HERC3: variants seen among roughly 807,000 people sequenced by gnomAD.
The protein encoded by HERC3 is HECT and RLD domain containing E3 ubiquitin protein ligase 3.
HERC3 carries 58 observed loss-of-function variants against 129.9 expected under a neutral mutation model. That is an observed-to-expected ratio of 0.45 (90% CI 0.36 to 0.56). The LOEUF (loss-of-function observed/expected upper bound fraction) is 0.56. Among genes scored for constraint, HERC3 ranks in the 20% least tolerant of loss-of-function variants. HERC3 has a pLI of 0.00. For synonymous variants in HERC3, 430 were observed against 451.0 expected, an observed-to-expected ratio of 0.95 and a Z score of 0.59; for missense variants, 835 against 1,244.2, an observed-to-expected ratio of 0.67 and a Z score of 4.95.
At chr4:88,603,430 A>T (rs771231910) in intron 2 of HERC3, among the ~76,000 whole-genome samples, 1 of 151,670 alleles carries the variant, frequency 6.6e-6, no homozygotes. Context: ...CTGGTCTCGA[A>T]CTCCTTCCTC....
At chr4:88,581,220 A>G in the HERC3 span, among the ~76,000 whole-genome samples, 1,125 of 152,240 alleles carry the variant, frequency 7.4e-3, 13 homozygotes, top group African/African-American at 0.026. Context: ...CAGCTTGTAA[A>G]GAGGCTGCAG....
chr4:88,574,418 G>A, the HERC3 span, among the ~76,000 whole-genome samples: 2 of 151,904 alleles, frequency 1.3e-5, no homozygotes, highest in African/African-American at 4.8e-5. Flanking sequence ...TTTTAATTGT[G>A]GTAAAATACA....
At chr4:88,583,409 C>G in the HERC3 span, among the ~76,000 whole-genome samples, 2 of 151,346 alleles carry the variant, frequency 1.3e-5, no homozygotes, top group South Asian at 2.1e-4. Context: ...CCACTGCACT[C>G]CAGCCTGGAT....
intron 3 of HERC3, among the ~76,000 whole-genome samples, chr4:88,608,828 T>C (rs1277436137): frequency 1.3e-5 from 2 of 152,196 alleles, no homozygotes; most frequent in Admixed American, 1.3e-4. Flanking sequence ...ATTTAGGAAC[T>C]TCATTCCAAT....
At chr4:88,669,738 G>C (rs563137012) in intron 14 of HERC3, 122 bp from the exon 15 acceptor site, 1 of 780,400 alleles carries the variant, frequency 1.3e-6, no homozygotes, top group East Asian at 2.6e-5. Flanking sequence ...GTCAGTTTTG[G>C]GAAAATGTAT....
chr4:88,704,389 G>C, intron 24 of HERC3, 108 bp downstream of exon 24: 1 of 1,278,096 alleles, frequency 7.8e-7, no homozygotes, highest in Non-Finnish European at 1.1e-6. Flanking sequence ...GGTTGAGTTA[G>C]ATTTAGAGGT....
chr4:88,707,234 G>C lies in HERC3; in HGVS notation c.*274G>C, dbSNP rs1179518493. The C allele has an allele frequency of 2.4e-6, 1 of 419,406 alleles. No individual in the cohort carries two copies. The highest frequency in any genetic ancestry group is 4.3e-6 in the Non-Finnish European group (1 of 229,920). The allele number at this position is 419,406 out of a possible 1,614,324, so 26.0% of individuals were successfully genotyped here. On this transcript the variant is annotated 3_prime_UTR_variant, in exon 26 of 26. Coordinates refer to ENST00000402738, the MANE Select transcript of HERC3 (RefSeq NM_014606.3). ...AAACTACCCAGTATTCCTTGCACTT[G>C]TGAATGTGTTGCACTCTGCTGGATG...
At chr4:88,608,540 T>A (rs1048818448) in intron 3 of HERC3, among the ~76,000 whole-genome samples, 3 of 152,244 alleles carry the variant, frequency 2.0e-5, no homozygotes, top group Non-Finnish European at 4.4e-5. Context: ...ATTCAGAAAT[T>A]AGTAAATCCT....
the HERC3 span, among the ~76,000 whole-genome samples, chr4:88,543,723 T>C: frequency 1.3e-5 from 2 of 152,044 alleles, no homozygotes; most frequent in Admixed American, 6.6e-5. Context: ...AAAACAGATA[T>C]ATAGACCAAT....
chr4:88,562,371 G>A, the HERC3 span, among the ~76,000 whole-genome samples: 2 of 152,034 alleles, frequency 1.3e-5, no homozygotes, highest in African/African-American at 2.4e-5. Flanking sequence ...CTATAGAGTT[G>A]TTTGAGCTCC....
At chr4:88,628,124 G>T (rs1726332825) in intron 3 of HERC3, among the ~76,000 whole-genome samples, 1 of 152,078 alleles carries the variant, frequency 6.6e-6, no homozygotes, top group Admixed American at 6.5e-5. Flanking sequence ...TCTGCTTACT[G>T]TATTGATTAC....
chr4:88,665,244 A>G lies in HERC3; in HGVS notation c.1331+1032A>G, dbSNP rs188211986. On this transcript the variant is annotated intron_variant, in intron 12 of 25. Coordinates refer to ENST00000402738, the MANE Select transcript of HERC3 (RefSeq NM_014606.3). ...ATTATGGAGGTTGAGAGATCCTGCC[A>G]TAGGCATCTGTAATCTGGAGAACCA... Among the ~76,000 whole-genome samples, 261 of 152,348 alleles carry G rather than the reference A, an allele frequency of 1.7e-3. 1 individual carries two copies. The highest frequency in any genetic ancestry group is 6.1e-3 in the African/African-American group (253 of 41,570).
chr4:88,598,943 G>A (rs929074064), intron 2 of HERC3, among the ~76,000 whole-genome samples: 2 of 152,182 alleles, frequency 1.3e-5, no homozygotes, highest in Admixed American at 1.3e-4. Flanking sequence ...GCCAAGCGGG[G>A]CTGGTGTAGG....
chr4:88,572,428 A>G, the HERC3 span, among the ~76,000 whole-genome samples: 1 of 152,050 alleles, frequency 6.6e-6, no homozygotes, highest in South Asian at 2.1e-4. Flanking sequence ...CCTGCCTCAA[A>G]AAAACAAAAA....
chr4:88,586,578 C>G, the HERC3 span, among the ~76,000 whole-genome samples: 1 of 151,970 alleles, frequency 6.6e-6, no homozygotes. Flanking sequence ...AGGCTGGTCT[C>G]GAACTCCCAA....
the HERC3 span, among the ~76,000 whole-genome samples, chr4:88,585,407 C>T: frequency 6.6e-6 from 1 of 151,922 alleles, no homozygotes; most frequent in Admixed American, 6.6e-5. Context: ...GTGATTGGAC[C>T]ATGATGGATA....
Position 88,680,204 on chromosome 4 carries a change from C to A in HERC3, c.2308C>A (p.Gln770Lys). Residue 770 changes from glutamine (Q) to lysine (K), a missense_variant, in exon 20 of 26, where the codon CAA (glutamine) becomes AAA (lysine). Transcript: ENST00000402738. The part of the protein sequence containing the change: ...NPIYGMFTYY[Q>K]DSNLLWFSDT... The stretch of plus-strand genomic sequence containing the variant: ...CATCTATGGAATGTTTACCTACTAT[C>A]AAGATTCAAATCTCTTGTGGTTTTC... The A allele has an allele frequency of 1.2e-6, 2 of 1,609,856 alleles. No individual in the cohort carries two copies. The highest frequency in any genetic ancestry group is 1.7e-6 in the Non-Finnish European group (2 of 1,178,402).
chr4:88,656,108 ATTAC>A, intron 9 of HERC3, 73 bp downstream of exon 9: 1 of 1,456,284 alleles, frequency 6.9e-7, no homozygotes, highest in East Asian at 2.3e-5. Flanking sequence ...ATATGTATCT[ATTAC>A]TTACTTTGAG....
chr4:88,556,619 T>A, the HERC3 span, among the ~76,000 whole-genome samples: 1 of 152,170 alleles, frequency 6.6e-6, no homozygotes, highest in Non-Finnish European at 1.5e-5. Flanking sequence ...ATCCCTTACT[T>A]GCACTCAGTC....
Sources: allele counts gnomAD v4.1 joint callset (sites outside exome capture counted in the v4.1 genomes callset), GRCh38; gene constraint gnomAD v4.1.1; transcripts MANE v1.5; gene names NCBI Gene and HGNC (gene_info 2026-07-23, HGNC 2026-07-21).